The following NHLRC2 variants were observed in gnomAD, a reference collection of about 807,000 sequenced individuals.
NHLRC2 encodes the protein NHL repeat-containing protein 2.
NHLRC2 carries 33 observed loss-of-function variants against 68.1 expected under a neutral mutation model. That is an observed-to-expected ratio of 0.48 (90% confidence interval 0.37 to 0.65). NHLRC2 has a LOEUF of 0.65. NHLRC2 is among the 30% of genes least tolerant of loss of function. NHLRC2 has a pLI of 0.00. For synonymous variants in NHLRC2, 311 were observed against 309.6 expected (o/e 1.00, Z -0.05); for missense variants, 761 against 853.8 (o/e 0.89, Z 1.35).
chr10:113,903,880 G>T (rs1326525697), intron 9 of NHLRC2, 144 bp downstream of exon 9: 1 of 604,546 alleles, frequency 1.7e-6, no homozygotes, highest in Non-Finnish European at 3.0e-6. Flanking sequence ...TTGACAAAGA[G>T]ACCAGCAGGA....
chr10:113,880,557 C>T (rs1441552624), intron 4 of NHLRC2, among the ~76,000 whole-genome samples: 2 of 151,756 alleles, frequency 1.3e-5, no homozygotes, highest in Non-Finnish European at 2.9e-5. Context: ...TCAGATACTG[C>T]CTTGTTTTTC....
intron 2 of NHLRC2, among the ~76,000 whole-genome samples, chr10:113,871,047 G>T (rs1023658451): frequency 3.4e-5 from 4 of 116,058 alleles, no homozygotes; most frequent in African/African-American, 1.0e-4. Flanking sequence ...TTTTTGAGAC[G>T]GAGTTTTGTT....
At chr10:113,898,071 C>A in intron 5 of NHLRC2, 39 bp from the exon 6 acceptor site, 1 of 1,203,496 alleles carries the variant, frequency 8.3e-7, no homozygotes, top group South Asian at 1.4e-5. Flanking sequence ...TTGTATTAAC[C>A]AGATATGTAT....
intron 2 of NHLRC2, among the ~76,000 whole-genome samples, chr10:113,871,702 A>C (rs1845927487): frequency 2.0e-5 from 3 of 152,216 alleles, no homozygotes; most frequent in African/African-American, 7.2e-5. Flanking sequence ...ATTAAAAAGA[A>C]TCTATCTGTG....
Position 113,867,456 on chromosome 10 carries a change from C to T in NHLRC2, c.331+8776C>T, listed in dbSNP as rs185908216. 2.4e-3 allele frequency among the ~76,000 whole-genome samples: 372 copies of T among 152,326 alleles called. 1 individual carries two copies. Among genetic ancestry groups the T allele is most frequent in the African/African-American group, 8.7e-3 (362 of 41,576 alleles). The stretch of plus-strand genomic sequence containing the variant: ...TCAAATTTGCTTCTCATTTATTTCC[C>T]AATTTAGTGTTCAGCGATTTTGATC... On this transcript the variant is annotated intron_variant, in intron 2 of 10. Coordinates refer to ENST00000369301, the MANE Select transcript of NHLRC2 (RefSeq NM_198514.4).
Position 113,857,032 on chromosome 10 carries a change from A to G in NHLRC2, c.179-1496A>G, listed in dbSNP as rs79953756. 2.8e-3 allele frequency among the ~76,000 whole-genome samples: 419 copies of G among 152,300 alleles called. 3 individuals are homozygous for G. Among genetic ancestry groups the G allele is most frequent in the African/African-American group, 9.7e-3 (402 of 41,574 alleles). On this transcript the variant is annotated intron_variant, in intron 1 of 10. Coordinates refer to ENST00000369301, the MANE Select transcript of NHLRC2 (RefSeq NM_198514.4). ...TATTTCTCACTTGCAAAACTGAACT[A>G]TTATTTACCTTTCAGGATTATTATT...
In NHLRC2 at chr10:113,916,297, C is replaced by T. The variant is rs182255685; in HGVS notation, c.*7761C>T. ...TGTAAAAAATAAACTACTGCTTCCTCTCCACAGCTTAGGCCTCCCTCTTAC... is the reference window on the plus strand; with the variant it reads ...TGTAAAAAATAAACTACTGCTTCCTTTCCACAGCTTAGGCCTCCCTCTTAC... On this transcript the variant is annotated 3_prime_UTR_variant, in exon 11 of 11. Transcript: ENST00000369301. 2.0e-5 allele frequency: 3 copies of T among 152,340 alleles called. No individual in the cohort carries two copies. The highest frequency in any genetic ancestry group is 1.9e-4 in the East Asian group (1 of 5,184). 9.4% of individuals were successfully genotyped at this position (152,340 alleles called of 1,614,324 possible).
chr10:113,903,967 T>A (rs1469497812), intron 9 of NHLRC2, among the ~76,000 whole-genome samples: 4 of 151,750 alleles, frequency 2.6e-5, no homozygotes, highest in African/African-American at 9.7e-5. Context: ...TACTGGAAAT[T>A]GGAGATAATC....
In NHLRC2 at chr10:113,910,391, C is replaced by T. The variant is rs1211622768; in HGVS notation, c.*1855C>T. ...AATTTTTTTGTGTTTTTAGTAGAGA[C>T]AGGGTTTCACCATGTCAGTCAGGCT... On this transcript the variant is annotated 3_prime_UTR_variant, in exon 11 of 11. Coordinates refer to ENST00000369301, the MANE Select transcript of NHLRC2 (RefSeq NM_198514.4). 6.6e-6 allele frequency: 1 copy of T among 152,130 alleles called. No individual in the cohort carries two copies. Among genetic ancestry groups the T allele is most frequent in the Non-Finnish European group, 1.5e-5 (1 of 68,044 alleles). The allele number at this position is 152,130 out of a possible 1,614,324, so 9.4% of individuals were successfully genotyped here. A position where few individuals can be genotyped will look rare whatever the true frequency, so the allele number is the denominator to read the frequency against.
chr10:113,868,383 G>A (rs560851548), intron 2 of NHLRC2, among the ~76,000 whole-genome samples: 1 of 151,960 alleles, frequency 6.6e-6, no homozygotes, highest in Non-Finnish European at 1.5e-5. Context: ...TTTTACATCC[G>A]CTTTTCAGTA....
rs574919862 is a variant in NHLRC2 at position 113,874,058 on chromosome 10, T to A, written c.332-2463T>A. 2.4e-4 allele frequency among the ~76,000 whole-genome samples: 37 copies of A among 152,304 alleles called. No individual in the cohort carries two copies. In the South Asian group the frequency reaches 7.3e-3, roughly 30 times the overall value. On this transcript the variant is annotated intron_variant, in intron 2 of 10. Coordinates refer to ENST00000369301, the MANE Select transcript of NHLRC2 (RefSeq NM_198514.4). ...TGTGTATTTGGTTATATTTGTTGTG[T>A]TTATCAACATGATGCACTTTCTTTG... is the stretch of plus-strand genomic sequence containing the variant.
intron 6 of NHLRC2, among the ~76,000 whole-genome samples, chr10:113,898,905 C>G (rs1846203883): frequency 1.3e-5 from 2 of 152,076 alleles, no homozygotes; most frequent in African/African-American, 4.8e-5. Context: ...GGCATAGTAC[C>G]TAACATGTAC....
chr10:113,869,200 A>G (rs1159233311), intron 2 of NHLRC2, among the ~76,000 whole-genome samples: 1 of 152,194 alleles, frequency 6.6e-6, no homozygotes, highest in African/African-American at 2.4e-5. Context: ...GATAAGAGCA[A>G]TAGGACTTGA....
chr10:113,857,019 G>A (rs1210375440), intron 1 of NHLRC2, among the ~76,000 whole-genome samples: 1 of 152,040 alleles, frequency 6.6e-6, no homozygotes, highest in Non-Finnish European at 1.5e-5. Flanking sequence ...TTTCTCACTT[G>A]CAAAACTGAA....
rs1400116177 is a variant in NHLRC2 at position 113,916,492 on chromosome 10, C to T, written c.*7956C>T. 5.3e-5 allele frequency: 8 copies of T among 152,042 alleles called. No individual in the cohort carries two copies. 9.4% of individuals were successfully genotyped at this position (152,042 alleles called of 1,614,324 possible). ...CCCCATGAGTTCAAATTAATTTTCTCTACTTTGAGGTATACCTTCCTAATT... is the reference window on the plus strand; with the variant it reads ...CCCCATGAGTTCAAATTAATTTTCTTTACTTTGAGGTATACCTTCCTAATT... On this transcript the variant is annotated 3_prime_UTR_variant, in exon 11 of 11. Coordinates refer to ENST00000369301, the MANE Select transcript of NHLRC2 (RefSeq NM_198514.4).
chr10:113,857,282 A>G (rs1330295717), intron 1 of NHLRC2, among the ~76,000 whole-genome samples: 3 of 152,138 alleles, frequency 2.0e-5, no homozygotes, highest in African/African-American at 7.2e-5. Flanking sequence ...AGATTAATAA[A>G]TATTTTGCAA....
rs1245164132 is a variant in NHLRC2 at position 113,916,883 on chromosome 10, A to G, written c.*8347A>G. The G allele has an allele frequency of 6.6e-6, 1 of 152,222 alleles. No individual in the cohort carries two copies. Among genetic ancestry groups the G allele is most frequent in the African/African-American group, 2.4e-5 (1 of 41,462 alleles). The allele number at this position is 152,222 out of a possible 1,614,324, so 9.4% of individuals were successfully genotyped here. On this transcript the variant is annotated 3_prime_UTR_variant, in exon 11 of 11. Coordinates refer to ENST00000369301, the MANE Select transcript of NHLRC2 (RefSeq NM_198514.4). ...ATATTGGTATTTCTAGACATAGTCT[A>G]GTTCTAAAAGAATGTACTTGGTGTG...
chr10:113,895,675 T>C (rs1454677135), intron 5 of NHLRC2, among the ~76,000 whole-genome samples: 1 of 152,234 alleles, frequency 6.6e-6, no homozygotes. Context: ...TCCAGTAATC[T>C]TATGTAGAGA....
In NHLRC2 at chr10:113,858,693, T is replaced by C; in HGVS notation, c.331+13T>C. The C allele has an allele frequency of 6.3e-7, 1 of 1,599,082 alleles. No homozygotes were observed. Among genetic ancestry groups the C allele is most frequent in the Non-Finnish European group, 8.6e-7 (1 of 1,167,572 alleles). On this transcript the variant is annotated intron_variant, in intron 2 of 10. Coordinates refer to ENST00000369301, the MANE Select transcript of NHLRC2 (RefSeq NM_198514.4). ...TACTCTGATAAAGGTATCTGCTCTT[T>C]AATTAGTTTCTAACAGACTGTCCTG...
Sources: gnomAD v4.1 joint callset for allele counts (sites outside exome capture counted in the v4.1 genomes callset) on GRCh38, gnomAD v4.1.1 for gene constraint, MANE v1.5 for transcripts, NCBI Gene and HGNC (gene_info 2026-07-23, HGNC 2026-07-21) for gene names.